The following SUN5 variants were observed in gnomAD, a reference collection of about 807,000 sequenced individuals.
SUN5 encodes Sad1 and UNC84 domain containing 5, also known as SUN domain-containing protein 5.
A neutral mutation model predicts 53.7 loss-of-function variants in SUN5; 44 were observed. The ratio of observed to expected loss-of-function variants is 0.82; its 90% CI spans 0.64 to 1.05. The LOEUF (loss-of-function observed/expected upper bound fraction) is 1.05, where lower values mean the gene tolerates loss of function less well. Ranked by LOEUF, SUN5 falls within the 50% of genes least tolerant of loss-of-function variation. SUN5 has a pLI of 0.00. For missense variants in SUN5, 433 were observed against 483.8 expected, an observed-to-expected ratio of 0.90 and a Z score of 0.98; for synonymous variants, 166 against 179.8, an observed-to-expected ratio of 0.92 and a Z score of 0.62.
intron 9 of SUN5, among the ~76,000 whole-genome samples, chr20:32,988,326 TG>T (rs1989605277): frequency 1.3e-5 from 2 of 152,278 alleles, no homozygotes; most frequent in South Asian, 4.1e-4. Context: ...TCACTGATCC[TG>T]GGGGTGCCCG....
intron 1 of SUN5, among the ~76,000 whole-genome samples, chr20:33,003,663 A>G (rs1197451545): frequency 2.0e-5 from 3 of 152,200 alleles, no homozygotes; most frequent in Non-Finnish European, 4.4e-5. Context: ...TTATTAATAA[A>G]TTATATATAC....
chr20:33,004,275 G>T lies in SUN5; in HGVS notation c.66C>A (p.Pro22=). The T allele has an allele frequency of 6.3e-7, 1 of 1,576,068 alleles. No individual in the cohort carries two copies. The highest frequency in any genetic ancestry group is 8.6e-7 in the Non-Finnish European group (1 of 1,160,018). ...GCTGCCATCCTCACCTCCGGGGTCTGGGATTGTGGGCCACATCTTCGAGTA... is the reference window on the plus strand; with the variant it reads ...GCTGCCATCCTCACCTCCGGGGTCTTGGATTGTGGGCCACATCTTCGAGTA... ...GALLEDVAHN[P]RPRRIAQRGR... Residue 22 remains proline (P), a synonymous_variant, in exon 1 of 13, where the codon CCC becomes CCA. Coordinates refer to ENST00000356173, the MANE Select transcript of SUN5 (RefSeq NM_080675.4).
intron 8 of SUN5, 91 bp from the exon 9 acceptor site, chr20:32,989,789 G>C: frequency 1.9e-6 from 2 of 1,079,218 alleles, no homozygotes; most frequent in Non-Finnish European, 2.8e-6. Flanking sequence ...GGGGCTGCAG[G>C]ACGCTGTCCT....
In SUN5 at chr20:32,998,214, C is replaced by T. The variant is rs4911279; in HGVS notation, c.341-527G>A. Among the ~76,000 whole-genome samples, 651 of 148,168 alleles carry T rather than the reference C, an allele frequency of 4.4e-3. 8 individuals are homozygous for T. The highest frequency in any genetic ancestry group is 0.015 in the African/African-American group (618 of 40,034). On this transcript the variant is annotated intron_variant, in intron 5 of 12. Transcript: ENST00000356173. ...AAAAAAAAAAATACAAAAATTAGCC[C>T]GGTGTGGTGCACGTCTATAGTCCCA...
intron 1 of SUN5, among the ~76,000 whole-genome samples, chr20:33,003,892 T>C (rs982700516): frequency 1.3e-5 from 2 of 152,050 alleles, no homozygotes; most frequent in African/African-American, 2.4e-5. Context: ...TTCTGTCACC[T>C]GCATTCAGAG....
At chr20:32,985,305 A>G in intron 11 of SUN5, 120 bp from the exon 12 acceptor site, 1 of 845,302 alleles carries the variant, frequency 1.2e-6, no homozygotes, top group Non-Finnish European at 1.9e-6. Flanking sequence ...CTCTTTGGGC[A>G]CCGTTTCACT....
intron 9 of SUN5, 85 bp from the exon 10 acceptor site, chr20:32,987,860 C>T (rs113041433): frequency 2.9e-5 from 31 of 1,080,524 alleles, no homozygotes; most frequent in South Asian, 2.3e-4. Flanking sequence ...GACTATGTGC[C>T]GGGCGAGCAT....
rs538674224 is a variant in SUN5 at position 32,983,862 on chromosome 20, G to C, written c.1072C>G (p.Arg358Gly). The C allele has an allele frequency of 1.3e-6, 2 of 1,599,382 alleles. No homozygotes were observed. Among genetic ancestry groups the C allele is most frequent in the Non-Finnish European group, 1.7e-6 (2 of 1,172,750 alleles). The change falls in exon 13 of 13, where the codon CGA (arginine) becomes GGA (glycine). Residue 358 changes from arginine (R) to glycine (G), a missense_variant. By Grantham distance (125) the Arg-to-Gly change is moderately radical. Transcript: ENST00000356173. ...NPGFTCLYRVRVHGSVAPPRE... is the reference protein window; with the variant it reads ...NPGFTCLYRVGVHGSVAPPRE... ...GGCGGGGCCACAGAGCCATGCACTCGCACGCGGTACAGGCAAGTGAAGCCT... is the reference window on the plus strand; with the variant it reads ...GGCGGGGCCACAGAGCCATGCACTCCCACGCGGTACAGGCAAGTGAAGCCT...
intron 8 of SUN5, among the ~76,000 whole-genome samples, chr20:32,993,019 C>G (rs955139268): frequency 6.6e-6 from 1 of 152,156 alleles, no homozygotes. Context: ...ACCTCATGAT[C>G]CAGCAATTCC....
At chr20:32,996,243 T>G in intron 7 of SUN5, 81 bp downstream of exon 7, 1 of 1,432,176 alleles carries the variant, frequency 7.0e-7, no homozygotes, top group Non-Finnish European at 9.8e-7. Context: ...AGAGCCTATA[T>G]TTGTAGCCAA....
Position 32,999,228 on chromosome 20 carries a change from G to A in SUN5, c.340+846C>T, listed in dbSNP as rs78591444. Among the ~76,000 whole-genome samples, 7 of 152,186 alleles carry A rather than the reference G, an allele frequency of 4.6e-5. No individual in the cohort carries two copies. The East Asian group carries it at 1.3e-3, about 29-fold the overall frequency. The stretch of plus-strand genomic sequence containing the variant: ...AAGATCAAGGTACAAAAAGTCAGCT[G>A]TATTTCTATATACTAGCAATAGATA... On this transcript the variant is annotated intron_variant, in intron 5 of 12. Coordinates refer to ENST00000356173, the MANE Select transcript of SUN5 (RefSeq NM_080675.4).
intron 8 of SUN5, among the ~76,000 whole-genome samples, chr20:32,995,036 A>C (rs1989807767): frequency 6.6e-6 from 1 of 152,198 alleles, no homozygotes; most frequent in African/African-American, 2.4e-5. Flanking sequence ...GAATCACATA[A>C]AGCACTCTAA....
intron 8 of SUN5, among the ~76,000 whole-genome samples, chr20:32,994,817 G>A (rs371139626): frequency 3.4e-5 from 5 of 146,354 alleles, no homozygotes; most frequent in Non-Finnish European, 7.6e-5. Flanking sequence ...TTGAACCCAG[G>A]AGGCAGAGGT....
chr20:32,992,738 C>G (rs971435094), intron 8 of SUN5, among the ~76,000 whole-genome samples: 2 of 152,090 alleles, frequency 1.3e-5, no homozygotes, highest in African/African-American at 2.4e-5. Context: ...TCCGACATAT[C>G]AATAAGAAAT....
chr20:33,002,443 G>T (rs1433744926), intron 3 of SUN5, 144 bp downstream of exon 3: 1 of 743,952 alleles, frequency 1.3e-6, no homozygotes, highest in Non-Finnish European at 2.3e-6. Context: ...CCGATGGGTA[G>T]AACTCCAGAG....
intron 3 of SUN5, among the ~76,000 whole-genome samples, chr20:33,001,525 T>TCTTTCTTTCTTTCTTC (rs1990018609): frequency 7.7e-6 from 1 of 130,332 alleles, no homozygotes; most frequent in African/African-American, 3.8e-5. Context: ...CTTTCTTCTT[T>TCTTTCTTTCTTTCTTC]CTTTCTTTCT....
intron 8 of SUN5, among the ~76,000 whole-genome samples, chr20:32,994,272 G>T (rs1477694026): frequency 6.6e-6 from 1 of 152,120 alleles, no homozygotes; most frequent in Non-Finnish European, 1.5e-5. Flanking sequence ...AAAGAAAAGG[G>T]GAACTTTCTC....
In SUN5 at chr20:32,995,707, C is replaced by A. The variant is rs759594105; in HGVS notation, c.446G>T (p.Arg149Leu). The change falls in exon 8 of 13, where the codon CGA (arginine) becomes CTA (leucine). Residue 149 changes from arginine to leucine, a missense_variant. Coordinates refer to ENST00000356173, the MANE Select transcript of SUN5 (RefSeq NM_080675.4). ...GTCCTGGATTTCCCCACTGTGATGT[C>A]GCACCTTCTCCTGGTACAACCTTAT... ...QSLRLYQEKV[R>L]HHSGEIQDLR... 1 of 1,614,072 alleles carries A rather than the reference C, an allele frequency of 6.2e-7. No homozygotes were observed. Among genetic ancestry groups the A allele is most frequent in the Admixed American group, 1.7e-5 (1 of 60,012 alleles).
chr20:32,997,572 G>A, intron 6 of SUN5, 66 bp downstream of exon 6: 1 of 1,559,714 alleles, frequency 6.4e-7, no homozygotes, highest in South Asian at 1.1e-5. Context: ...TGGAGCTGTG[G>A]AGGTGATATT....
Sources: allele counts gnomAD v4.1 joint callset (sites outside exome capture counted in the v4.1 genomes callset), GRCh38; gene constraint gnomAD v4.1.1; transcripts MANE v1.5; gene names NCBI Gene and HGNC (gene_info 2026-07-23, HGNC 2026-07-21).